Variants in NYAP2 observed in about 807,000 individuals in gnomAD.
The protein encoded by NYAP2 is neuronal tyrosine-phosphorylated phosphoinositide-3-kinase adapter 2.
A neutral mutation model predicts 50.4 loss-of-function variants in NYAP2; 23 were observed. The observed-to-expected ratio is 0.46, with a 90% CI of 0.33 to 0.65. NYAP2 has a LOEUF of 0.65. Ranked by LOEUF, NYAP2 falls within the 30% of genes least tolerant of loss-of-function variation. The pLI is 0.02. For synonymous variants in NYAP2, 394 were observed against 365.2 expected (o/e 1.08, Z -0.90); for missense variants, 885 against 861.0 (o/e 1.03, Z -0.35).
In NYAP2 at chr2:225,601,313, G is replaced by T. The variant is rs537364821; in HGVS notation, c.1618+18278G>T. 1.2e-4 allele frequency among the ~76,000 whole-genome samples: 18 copies of T among 151,988 alleles called. No individual in the cohort carries two copies. In the East Asian group the frequency reaches 3.5e-3, roughly 30 times the overall value. On this transcript the variant is annotated intron_variant, in intron 5 of 6. Coordinates refer to ENST00000636099, the Ensembl canonical transcript of NYAP2. ...TTTTTGTATTTTTAGTAGAGACGGG[G>T]TTTCACCATGCTGGCCAGAATGGTC...
At chr2:225,584,915 G>A (rs1276382856) in intron 5 of NYAP2, among the ~76,000 whole-genome samples, 1 of 152,204 alleles carries the variant, frequency 6.6e-6, no homozygotes, top group East Asian at 1.9e-4. Context: ...AGGGCAATTT[G>A]TCCCCTGGGA....
the NYAP2 span, among the ~76,000 whole-genome samples, chr2:225,686,479 G>T: frequency 6.6e-6 from 1 of 152,042 alleles, no homozygotes; most frequent in East Asian, 1.9e-4. Flanking sequence ...TGTAACTCAA[G>T]AGACACTAAC....
intron 4 of NYAP2, among the ~76,000 whole-genome samples, chr2:225,570,511 A>G (rs1380969412): frequency 6.6e-6 from 1 of 152,184 alleles, no homozygotes; most frequent in Non-Finnish European, 1.5e-5. Flanking sequence ...GCACCTCTTC[A>G]CAGGGCAGCA....
intron 3 of NYAP2, among the ~76,000 whole-genome samples, chr2:225,431,133 T>C (rs1695359962): frequency 6.6e-6 from 1 of 152,214 alleles, no homozygotes; most frequent in Admixed American, 6.5e-5. Context: ...ATAAATTCTG[T>C]GGTACATATC....
intron 6 of NYAP2, among the ~76,000 whole-genome samples, chr2:225,634,504 C>T (rs1412636444): frequency 6.6e-6 from 1 of 152,018 alleles, no homozygotes; most frequent in Non-Finnish European, 1.5e-5. Context: ...GAGTCTTGTA[C>T]ACACAAGTTC....
chr2:225,583,645 T>C (rs143462366), intron 5 of NYAP2, among the ~76,000 whole-genome samples: 1 of 152,204 alleles, frequency 6.6e-6, no homozygotes, highest in East Asian at 1.9e-4. Flanking sequence ...TATGGAATTT[T>C]TAGGTAAATA....
chr2:225,502,258 G>C (rs1295875084), intron 3 of NYAP2, among the ~76,000 whole-genome samples: 1 of 151,968 alleles, frequency 6.6e-6, no homozygotes, highest in Non-Finnish European at 1.5e-5. Flanking sequence ...TAGAGATGGA[G>C]AGAAGGGGAT....
chr2:225,587,369 G>A (rs1692405995), intron 5 of NYAP2, among the ~76,000 whole-genome samples: 1 of 152,128 alleles, frequency 6.6e-6, no homozygotes, highest in African/African-American at 2.4e-5. Context: ...TAAAGAAAAA[G>A]TAGAAGATGA....
intron 5 of NYAP2, among the ~76,000 whole-genome samples, chr2:225,609,674 C>T (rs181891379): frequency 1.8e-4 from 27 of 152,202 alleles, no homozygotes; most frequent in African/African-American, 6.3e-4. Context: ...CTCCAAAGTG[C>T]GGTGCTCAGG....
At chr2:225,619,389 G>A (rs990178139) in intron 5 of NYAP2, among the ~76,000 whole-genome samples, 3 of 152,156 alleles carry the variant, frequency 2.0e-5, no homozygotes, top group East Asian at 1.9e-4. Flanking sequence ...ATATGCAAAG[G>A]CTCATTCATG....
chr2:225,538,865 C>T (rs1263808187), intron 4 of NYAP2, among the ~76,000 whole-genome samples: 1 of 118,938 alleles, frequency 8.4e-6, no homozygotes, highest in Non-Finnish European at 1.7e-5. Flanking sequence ...TATTATTATA[C>T]TTTAAGTTCT....
chr2:225,637,749 T>G (rs534836055), intron 6 of NYAP2, among the ~76,000 whole-genome samples: 1 of 152,316 alleles, frequency 6.6e-6, no homozygotes, highest in African/African-American at 2.4e-5. Flanking sequence ...GAGAAAGTTT[T>G]ATTTGGATTT....
chr2:225,668,908 CA>C, the NYAP2 span, among the ~76,000 whole-genome samples: 4 of 142,594 alleles, frequency 2.8e-5, no homozygotes, highest in African/African-American at 1.0e-4. Context: ...TAATTACATA[CA>C]CAGGAATAAA....
intron 5 of NYAP2, among the ~76,000 whole-genome samples, chr2:225,599,091 T>C (rs1226423249): frequency 6.6e-6 from 1 of 152,090 alleles, no homozygotes; most frequent in Non-Finnish European, 1.5e-5. Context: ...TCTTCCTCTC[T>C]CTCTCATTCT....
At chr2:225,448,414 G>T (rs1232385962) in intron 3 of NYAP2, among the ~76,000 whole-genome samples, 1 of 152,140 alleles carries the variant, frequency 6.6e-6, no homozygotes, top group Non-Finnish European at 1.5e-5. Flanking sequence ...AGTGGGGAAG[G>T]ATGCTAGATT....
intron 3 of NYAP2, among the ~76,000 whole-genome samples, chr2:225,455,946 T>C (rs13384763): frequency 1.5e-4 from 23 of 152,350 alleles, no homozygotes; most frequent in Admixed American, 4.6e-4. Flanking sequence ...TCTGATGCGT[T>C]CATTCTCTTA....
chr2:225,521,641 A>C (rs1374996080), intron 4 of NYAP2, among the ~76,000 whole-genome samples: 1 of 151,482 alleles, frequency 6.6e-6, no homozygotes, highest in East Asian at 1.9e-4. Flanking sequence ...ATCATGGTGG[A>C]TAAGCTTTTT....
intron 3 of NYAP2, among the ~76,000 whole-genome samples, chr2:225,447,660 A>T (rs903613947): frequency 6.6e-6 from 1 of 152,222 alleles, no homozygotes; most frequent in African/African-American, 2.4e-5. Flanking sequence ...AAAATCAAAC[A>T]AAATGATTAA....
chr2:225,665,271 G>C, the NYAP2 span, among the ~76,000 whole-genome samples: 16 of 151,894 alleles, frequency 1.1e-4, no homozygotes, highest in Non-Finnish European at 2.2e-4. Flanking sequence ...TCCTCCTTGG[G>C]TGATTTAGCA....
Sources: allele counts gnomAD v4.1 joint callset (sites outside exome capture counted in the v4.1 genomes callset), GRCh38; gene constraint gnomAD v4.1.1; transcripts MANE v1.5; gene names NCBI Gene and HGNC (gene_info 2026-07-23, HGNC 2026-07-21).